The following DCDC2C variants were observed in gnomAD, a reference collection of about 807,000 sequenced individuals.
DCDC2C encodes doublecortin domain-containing protein 2C.
A neutral mutation model predicts 45.0 loss-of-function variants in DCDC2C; 44 were observed. The observed-to-expected ratio is 0.98, with a 90% CI of 0.77 to 1.26. The LOEUF (loss-of-function observed/expected upper bound fraction) is 1.26. Ranked by LOEUF, DCDC2C falls within the 50% of genes most tolerant of loss-of-function variation. The pLI is 0.00. For synonymous variants in DCDC2C, 187 were observed against 178.8 expected, an observed-to-expected ratio of 1.05 and a Z score of -0.37; for missense variants, 447 against 468.9, an observed-to-expected ratio of 0.95 and a Z score of 0.43.
intron 10 of DCDC2C, among the ~76,000 whole-genome samples, chr2:3,824,436 G>A (rs1482318577): frequency 6.6e-6 from 1 of 152,190 alleles, no homozygotes; most frequent in East Asian, 1.9e-4. Flanking sequence ...GAAAACAGAT[G>A]GTGGGCTGGA....
chr2:3,780,934 G>T lies in DCDC2C; in HGVS notation c.1023+2050G>T, dbSNP rs188224237. On this transcript the variant is annotated intron_variant, in intron 9 of 10. Transcript: ENST00000399143. Reference sequence around the variant, plus strand: ...TAACTTTCCGGAAGAGGTATTTCCTGTATCAGGCTTCACACTGTGTCCCTC... The same window carrying T: ...TAACTTTCCGGAAGAGGTATTTCCTTTATCAGGCTTCACACTGTGTCCCTC... Among the ~76,000 whole-genome samples, 332 of 152,310 alleles carry T rather than the reference G, an allele frequency of 2.2e-3. 1 individual carries two copies. Among genetic ancestry groups the T allele is most frequent in the African/African-American group, 7.5e-3 (313 of 41,558 alleles).
At chr2:3,839,720 G>A (rs561202545) in intron 10 of DCDC2C, among the ~76,000 whole-genome samples, 2 of 152,124 alleles carry the variant, frequency 1.3e-5, no homozygotes, top group East Asian at 1.9e-4. Context: ...ACGGCTTCTC[G>A]AATTCCTCCT....
intron 10 of DCDC2C, among the ~76,000 whole-genome samples, chr2:3,789,132 G>T (rs953911040): frequency 6.6e-6 from 1 of 152,048 alleles, no homozygotes; most frequent in Middle Eastern, 3.2e-3. Context: ...GATTACAGAC[G>T]TGAGCCACTC....
chr2:3,846,180 T>A, intron 10 of DCDC2C, among the ~76,000 whole-genome samples: 1 of 151,964 alleles, frequency 6.6e-6, no homozygotes, highest in South Asian at 2.1e-4. Context: ...GTCATCTTCT[T>A]CCTTCTTCTT....
chr2:3,754,643 CTT>C lies in DCDC2C; in HGVS notation c.726+13_726+14del. 6.5e-7 allele frequency: 1 copy of C among 1,548,410 alleles called. No homozygotes were observed. Among genetic ancestry groups the C allele is most frequent in the Non-Finnish European group, 8.7e-7 (1 of 1,145,696 alleles). Reference sequence around the variant, plus strand: ...CACAGAGAAAGAAAAAAGTAAGTAACTTTTTAAAACAAGTAAGTAACTTGTTT... The same window carrying C: ...CACAGAGAAAGAAAAAAGTAAGTAACTTTAAAACAAGTAAGTAACTTGTTT... On this transcript the variant is annotated intron_variant, in intron 6 of 10. Coordinates refer to ENST00000399143, the MANE Select transcript of DCDC2C (RefSeq NM_001287444.2).
intron 10 of DCDC2C, among the ~76,000 whole-genome samples, chr2:3,814,096 T>C (rs1210356632): frequency 6.6e-6 from 1 of 152,112 alleles, no homozygotes; most frequent in Non-Finnish European, 1.5e-5. Flanking sequence ...GATATTCTCC[T>C]GGATAACATC....
At chr2:3,717,704 T>C (rs1668384535) in intron 2 of DCDC2C, among the ~76,000 whole-genome samples, 1 of 152,160 alleles carries the variant, frequency 6.6e-6, no homozygotes, top group Non-Finnish European at 1.5e-5. Flanking sequence ...TACCATGACG[T>C]TTAAGGCCCT....
At chr2:3,816,125 C>A (rs752509530) in intron 10 of DCDC2C, among the ~76,000 whole-genome samples, 1 of 151,582 alleles carries the variant, frequency 6.6e-6, no homozygotes, top group Non-Finnish European at 1.5e-5. Context: ...TGGTAAGGGG[C>A]GATATTGTGG....
intron 10 of DCDC2C, among the ~76,000 whole-genome samples, chr2:3,824,834 G>A (rs960882154): frequency 6.6e-6 from 1 of 151,832 alleles, no homozygotes. Flanking sequence ...GTTTAGGCAG[G>A]ATTTCTGTAT....
chr2:3,729,901 C>T (rs568287000), intron 3 of DCDC2C, among the ~76,000 whole-genome samples: 9 of 152,190 alleles, frequency 5.9e-5, no homozygotes, highest in East Asian at 5.8e-4. Context: ...TGTATCTCAG[C>T]GCAGGAGTTG....
intron 6 of DCDC2C, among the ~76,000 whole-genome samples, chr2:3,756,178 TG>T (rs1669709941): frequency 2.6e-5 from 4 of 152,278 alleles, no homozygotes; most frequent in African/African-American, 9.6e-5. Context: ...CAGGAAGATT[TG>T]CAGAAGCTGG....
chr2:3,756,893 G>A (rs893335529), intron 6 of DCDC2C, among the ~76,000 whole-genome samples: 5 of 151,938 alleles, frequency 3.3e-5, no homozygotes, highest in African/African-American at 4.8e-5. Context: ...TTGAATGATC[G>A]CCTTATTTAT....
At chr2:3,752,395 A>G (rs1458374667) in intron 4 of DCDC2C, among the ~76,000 whole-genome samples, 2 of 152,218 alleles carry the variant, frequency 1.3e-5, no homozygotes, top group African/African-American at 4.8e-5. Flanking sequence ...TTGCTAATAA[A>G]TCCTGGTTTG....
chr2:3,839,763 C>T, intron 10 of DCDC2C, among the ~76,000 whole-genome samples: 1 of 152,228 alleles, frequency 6.6e-6, no homozygotes, highest in East Asian at 1.9e-4. Context: ...TCTGCTCCCA[C>T]ACGTCTTTTT....
intron 2 of DCDC2C, among the ~76,000 whole-genome samples, chr2:3,709,392 A>G (rs1247453888): frequency 6.6e-6 from 1 of 152,230 alleles, no homozygotes; most frequent in Non-Finnish European, 1.5e-5. Context: ...ATCTTACAGA[A>G]GCGGCTCTTC....
intron 9 of DCDC2C, among the ~76,000 whole-genome samples, chr2:3,783,318 GAGCTGTGCCTGA>G (rs1670564012): frequency 6.6e-6 from 1 of 152,076 alleles, no homozygotes. Context: ...GGCCTATCCG[GAGCTGTGCCTGA>G]TGCCTGCTGC....
At chr2:3,778,717 G>GAAGT in intron 8 of DCDC2C, 99 bp from the exon 9 acceptor site, 1 of 1,092,934 alleles carries the variant, frequency 9.1e-7, no homozygotes, top group African/African-American at 1.6e-5. Context: ...TCTACCCATA[G>GAAGT]AAGTGGTCTA....
At chr2:3,791,599 G>A (rs1267666939) in intron 10 of DCDC2C, among the ~76,000 whole-genome samples, 3 of 152,174 alleles carry the variant, frequency 2.0e-5, no homozygotes, top group African/African-American at 7.2e-5. Context: ...TTTCCTCCTG[G>A]TTGCTAGGCT....
chr2:3,801,779 C>T (rs1473159145), intron 10 of DCDC2C, among the ~76,000 whole-genome samples: 1 of 152,246 alleles, frequency 6.6e-6, no homozygotes, highest in East Asian at 1.9e-4. Context: ...AGCATGCATG[C>T]TGACCCAGCT....
Sources: gnomAD v4.1 joint callset for allele counts (sites outside exome capture counted in the v4.1 genomes callset) on GRCh38, gnomAD v4.1.1 for gene constraint, MANE v1.5 for transcripts, NCBI Gene and HGNC (gene_info 2026-07-23, HGNC 2026-07-21) for gene names.